The following CPLANE1 variants were observed in gnomAD, a reference collection of about 807,000 sequenced individuals.
CPLANE1 encodes the protein ciliogenesis and planar polarity effector complex subunit 1.
In CPLANE1, 263 loss-of-function variants were observed where a neutral mutation model predicts 362.5. The observed-to-expected ratio is 0.73, with a 90% confidence interval of 0.66 to 0.80. CPLANE1 has a LOEUF of 0.80. Among genes scored for constraint, CPLANE1 ranks in the 30% least tolerant of loss-of-function variants. The probability of loss-of-function intolerance (pLI) is 0.00; values close to 1 mark genes in which losing one functional copy is unlikely to be tolerated. For missense variants in CPLANE1, 3,461 were observed against 3,793.4 expected, an observed-to-expected ratio of 0.91 and a Z score of 2.30; for synonymous variants, 1,212 against 1,302.6, an observed-to-expected ratio of 0.93 and a Z score of 1.50.
chr5:37,202,498 G>A (rs1285214627), intron 18 of CPLANE1, among the ~76,000 whole-genome samples: 1 of 151,924 alleles, frequency 6.6e-6, no homozygotes, highest in Non-Finnish European at 1.5e-5. Flanking sequence ...GTAATAATAA[G>A]TTAATAAAAA....
At chr5:37,224,825 G>A in intron 12 of CPLANE1, 85 bp from the exon 13 acceptor site, 1 of 774,856 alleles carries the variant, frequency 1.3e-6, no homozygotes, top group Non-Finnish European at 2.1e-6. Flanking sequence ...TTTTTTTTTT[G>A]CCTGTATTCT....
At chr5:37,210,623 A>G in intron 16 of CPLANE1, 1 of 1,597,970 alleles carries the variant, frequency 6.3e-7, no homozygotes, top group Non-Finnish European at 8.5e-7. Context: ...CTTTGGCAAT[A>G]ACAAAACAAA....
chr5:37,228,254 G>A (rs534581597), intron 9 of CPLANE1, among the ~76,000 whole-genome samples: 35 of 152,156 alleles, frequency 2.3e-4, no homozygotes, highest in Non-Finnish European at 3.2e-4. Flanking sequence ...ATGGTGGTGA[G>A]TAAAATTTTA....
chr5:37,088,103 C>T, the CPLANE1 span, among the ~76,000 whole-genome samples: 3 of 152,138 alleles, frequency 2.0e-5, no homozygotes, highest in Non-Finnish European at 2.9e-5. Context: ...GGGCTTGGGA[C>T]GGAATTCCCA....
intron 41 of CPLANE1, among the ~76,000 whole-genome samples, chr5:37,156,986 G>T (rs752509172): frequency 6.6e-6 from 1 of 152,156 alleles, no homozygotes; most frequent in Admixed American, 6.5e-5. Context: ...TTTATTTTTG[G>T]TGTGCTATTT....
chr5:37,207,259 G>A (rs890163577), intron 16 of CPLANE1, among the ~76,000 whole-genome samples: 4 of 152,120 alleles, frequency 2.6e-5, no homozygotes, highest in Non-Finnish European at 4.4e-5. Context: ...TCTGTTCCTC[G>A]AAATGGTGAG....
chr5:37,224,377 A>G (rs532623332), intron 13 of CPLANE1, 44 bp from the exon 14 acceptor site: 239 of 1,390,416 alleles, frequency 1.7e-4, no homozygotes, highest in Non-Finnish European at 2.3e-4. Context: ...TAATTATATT[A>G]CTTCATAAAA....
At position 37,187,486 on chromosome 5, in the gene CPLANE1, C is replaced by T; in HGVS notation, c.4008G>A (p.Arg1336=). The stretch of plus-strand genomic sequence containing the variant: ...GAATAAGTTCTTCCATATTAAAAAA[C>T]CGAGAGAAAGGCAGCATTCTATAAG... The part of the protein sequence containing the change: ...EWAYRMLPFS[R]FFNMEELIQD... The change falls in exon 23 of 53, where the codon CGG becomes CGA. Residue 1336 remains arginine (R), a synonymous_variant. Coordinates refer to ENST00000651892, the MANE Select transcript of CPLANE1 (RefSeq NM_001384732.1). The T allele has an allele frequency of 5.6e-6, 9 of 1,613,736 alleles. No homozygotes were observed. Among genetic ancestry groups the T allele is most frequent in the Non-Finnish European group, 7.6e-6 (9 of 1,179,776 alleles).
chr5:37,184,861 C>A lies in CPLANE1; in HGVS notation c.4408G>T (p.Val1470Phe), dbSNP rs1326484626. The change falls in exon 25 of 53, where the codon GTT (valine) becomes TTT (phenylalanine). Residue 1470 changes from valine to phenylalanine, a missense_variant. Transcript: ENST00000651892. ...GAGAACGTATCTGCATCACTGTGAA[C>A]CACAGAATCTCCTAGTTCTGTGAGT... ...STLTELGDSV[V>F]HSDADTFSEA... 2.5e-6 allele frequency: 4 copies of A among 1,613,988 alleles called. No individual in the cohort carries two copies. The East Asian group carries it at 8.9e-5, about 36-fold the overall frequency.
chr5:37,176,614 T>C (rs1434146131), intron 30 of CPLANE1, among the ~76,000 whole-genome samples: 1 of 152,164 alleles, frequency 6.6e-6, no homozygotes, highest in Non-Finnish European at 1.5e-5. Context: ...TCTTCTTGGG[T>C]AATTTTCCGA....
chr5:37,089,778 T>A, the CPLANE1 span, among the ~76,000 whole-genome samples: 1 of 152,176 alleles, frequency 6.6e-6, no homozygotes, highest in African/African-American at 2.4e-5. Context: ...CAATATCAGC[T>A]ATCAATAAAG....
intron 51 of CPLANE1, among the ~76,000 whole-genome samples, chr5:37,110,726 G>A (rs996307966): frequency 6.6e-6 from 1 of 151,786 alleles, no homozygotes; most frequent in Non-Finnish European, 1.5e-5. Context: ...AATGAGGAAA[G>A]TGAGGCTTAG....
intron 16 of CPLANE1, chr5:37,210,440 C>T (rs1042355436): frequency 6.5e-5 from 67 of 1,028,442 alleles, no homozygotes; most frequent in Middle Eastern, 2.2e-4. Flanking sequence ...AACTAAAGGA[C>T]GACTACATCA....
At chr5:37,106,013 C>G (rs1757577436), downstream of CPLANE1, among the ~76,000 whole-genome samples, 1 of 151,884 alleles carries the variant, frequency 6.6e-6, no homozygotes, top group Non-Finnish European at 1.5e-5. Flanking sequence ...TTATTTATTG[C>G]TGGAATAGTC....
At chr5:37,213,823 G>C (rs1020909772) in intron 15 of CPLANE1, 91 bp from the exon 16 acceptor site, 3 of 1,052,492 alleles carry the variant, frequency 2.9e-6, no homozygotes, top group African/African-American at 1.6e-5. Flanking sequence ...AAAGAAAATT[G>C]CAATACCTTT....
At chr5:37,162,389 G>T in intron 38 of CPLANE1, 76 bp downstream of exon 38, 1 of 895,002 alleles carries the variant, frequency 1.1e-6, no homozygotes, top group Non-Finnish European at 1.7e-6. Flanking sequence ...TTAAATCACT[G>T]TCTTAAAGGA....
intron 32 of CPLANE1, among the ~76,000 whole-genome samples, chr5:37,171,480 T>C (rs762841439): frequency 6.6e-6 from 1 of 152,168 alleles, no homozygotes; most frequent in Non-Finnish European, 1.5e-5. Flanking sequence ...TGAGAACCAC[T>C]AGACTTGTGA....
chr5:37,224,547 G>A lies in CPLANE1; in HGVS notation c.2485C>T (p.Leu829Phe). The change falls in exon 13 of 53, where the codon CTT becomes TTT. Residue 829 changes from leucine to phenylalanine, a missense_variant. By Grantham distance (22) the Leu-to-Phe change is conservative. Transcript: ENST00000651892. ...TGDCLNQTLE[L>F]KSINGEECFL... ...AGATACTGACCATTGATAGATTTAA[G>A]TTCTAAGGTTTGATTCAAGCAATCT... 2 of 1,549,202 alleles carry A rather than the reference G, an allele frequency of 1.3e-6. No individual in the cohort carries two copies. Among genetic ancestry groups the A allele is most frequent in the Non-Finnish European group, 1.7e-6 (2 of 1,144,896 alleles).
chr5:37,240,411 G>A (rs1472351761), intron 6 of CPLANE1, among the ~76,000 whole-genome samples: 1 of 152,156 alleles, frequency 6.6e-6, no homozygotes, highest in Admixed American at 6.6e-5. Flanking sequence ...TCTGCAGGCT[G>A]TGCAAGCATG....
Sources: gnomAD v4.1 joint callset for allele counts (sites outside exome capture counted in the v4.1 genomes callset) on GRCh38, gnomAD v4.1.1 for gene constraint, MANE v1.5 for transcripts, NCBI Gene and HGNC (gene_info 2026-07-23, HGNC 2026-07-21) for gene names.